The following TMEM259 variants were observed in gnomAD, a reference collection of about 807,000 sequenced individuals.
The protein encoded by TMEM259 is membralin.
Under a neutral mutation model 46.7 loss-of-function variants are expected in TMEM259, and 26 were observed. The ratio of observed to expected loss-of-function variants is 0.56; its 90% CI spans 0.41 to 0.77. The LOEUF (loss-of-function observed/expected upper bound fraction) is 0.77, where lower values mean the gene tolerates loss of function less well. Ranked by LOEUF, TMEM259 falls within the 30% of genes least tolerant of loss-of-function variation. The pLI is 0.00. For missense variants in TMEM259, 930 were observed against 900.5 expected, an observed-to-expected ratio of 1.03 and a Z score of -0.42; for synonymous variants, 494 against 395.1, an observed-to-expected ratio of 1.25 and a Z score of -2.97.
Position 1,010,780 on chromosome 19 carries a change from A to G in TMEM259, c.1433T>C (p.Leu478Pro). The G allele has an allele frequency of 1.9e-6, 3 of 1,558,650 alleles. No individual in the cohort carries two copies. The highest frequency in any genetic ancestry group is 2.6e-6 in the Non-Finnish European group (3 of 1,160,940). The change falls in exon 11 of 11, where the codon CTG becomes CCG. Residue 478 changes from leucine to proline, a missense_variant. Leu to Pro is a moderately conservative substitution (Grantham distance 98, BLOSUM62 -3). Transcript: ENST00000356663. ...PPLGPGTPTALPDDMNNNSGA... is the reference protein window; with the variant it reads ...PPLGPGTPTAPPDDMNNNSGA... Reference sequence around the variant, plus strand: ...CGAGTTGTTGTTCATGTCATCGGGCAGCGCCGTGGGGGTCCCGGGGCCCAG... The same window carrying G: ...CGAGTTGTTGTTCATGTCATCGGGCGGCGCCGTGGGGGTCCCGGGGCCCAG...
intron 9 of TMEM259, 25 bp from the exon 10 acceptor site, chr19:1,011,220 G>A (rs1325269907): frequency 1.3e-6 from 2 of 1,564,084 alleles, no homozygotes; most frequent in Non-Finnish European, 1.7e-6. Flanking sequence ...GAGGGCGTCG[G>A]GGCTGCAGGT....
chr19:1,010,448 A>G lies in TMEM259; in HGVS notation c.1765T>C (p.Ser589Pro). ...AGGGGAGTTGTGTCAGAAGCTGCGGAGTCACTCGGGGGGACACTGTCCTGG... is the reference window on the plus strand; with the variant it reads ...AGGGGAGTTGTGTCAGAAGCTGCGGGGTCACTCGGGGGGACACTGTCCTGG... ...APQDSVPPSD[S>P]AASDTTPLGA... The change falls in exon 11 of 11, where the codon TCC (serine) becomes CCC (proline). Residue 589 changes from serine to proline, a missense_variant. Ser to Pro is a moderately conservative substitution (Grantham distance 74). Transcript: ENST00000356663. 2.6e-6 allele frequency: 4 copies of G among 1,533,430 alleles called. No individual in the cohort carries two copies. The highest frequency in any genetic ancestry group is 1.2e-5 in the South Asian group (1 of 82,554). 95.0% of individuals were successfully genotyped at this position (1,533,430 alleles called of 1,614,324 possible). A position where few individuals can be genotyped will look rare whatever the true frequency, so the allele number is the denominator to read the frequency against.
In TMEM259 at chr19:1,014,005, C is replaced by T. The variant is rs548692369; in HGVS notation, c.507+187G>A. Among the ~76,000 whole-genome samples, 12 of 152,354 alleles carry T rather than the reference C, an allele frequency of 7.9e-5. No individual in the cohort carries two copies. The East Asian group carries it at 1.5e-3, about 20-fold the overall frequency. On this transcript the variant is annotated intron_variant, in intron 2 of 10. Coordinates refer to ENST00000356663, the MANE Select transcript of TMEM259 (RefSeq NM_001033026.2). ...CCAGGCCTCTAGCAGGGCGACAGGC[C>T]GAGGGTCTTGCTTCAGAGCCCCCAG...
At position 1,014,419 on chromosome 19, in the gene TMEM259, G is replaced by A. The variant is rs748268735; in HGVS notation, c.280C>T (p.Pro94Ser). 6.2e-7 allele frequency: 1 copy of A among 1,612,406 alleles called. No individual in the cohort carries two copies. The highest frequency in any genetic ancestry group is 8.5e-7 in the Non-Finnish European group (1 of 1,179,886). Residue 94 changes from proline to serine, a missense_variant, in exon 2 of 11, where the codon CCC (proline) becomes TCC (serine). By Grantham distance (74) the Pro-to-Ser change is moderately conservative (BLOSUM62 -1). Transcript: ENST00000356663. The part of the protein sequence containing the change: ...AYIHIVFSRS[P>S]INCLEHVRDK... The stretch of plus-strand genomic sequence containing the variant: ...CGCACATGCTCCAGGCAGTTGATGG[G>A]CGAGCGGGAGAAGACGATGTGGATG...
rs758098098 is a variant in TMEM259, at chr19:1,013,272, C to G, written c.576G>C (p.Gln192His). 5 of 1,613,768 alleles carry G rather than the reference C, an allele frequency of 3.1e-6. No homozygotes were observed. The highest frequency in any genetic ancestry group is 3.3e-5 in the Admixed American group (2 of 59,984). Reference sequence around the variant, plus strand: ...TGGGCGTCTCGGGGAAGGGGAACTCCTGGCTGTCATTCAGGGCCTCTGTGC... The same window carrying G: ...TGGGCGTCTCGGGGAAGGGGAACTCGTGGCTGTCATTCAGGGCCTCTGTGC... ...PSSTEALNDS[Q>H]EFPFPETPTK... Residue 192 changes from glutamine to histidine, a missense_variant, in exon 3 of 11, where the codon CAG (glutamine) becomes CAC (histidine). Gln to His is a conservative substitution (Grantham distance 24). Coordinates refer to ENST00000356663, the MANE Select transcript of TMEM259 (RefSeq NM_001033026.2).
chr19:1,014,995 C>T (rs2039062326), intron 1 of TMEM259, among the ~76,000 whole-genome samples: 2 of 152,366 alleles, frequency 1.3e-5, no homozygotes, highest in South Asian at 2.1e-4. Context: ...CCACTGTCTA[C>T]GAAAGAGGGC....
chr19:1,020,859 G>A lies in TMEM259; in HGVS notation c.138C>T (p.His46=). Residue 46 remains histidine (H), a synonymous_variant, in exon 1 of 11, where the codon CAC becomes CAT. Transcript: ENST00000356663. The surrounding 1 kb of genome is among the most constrained non-coding windows in gnomAD (Gnocchi z 4.0). The part of the protein sequence containing the change: ...PLINVRDRLF[H]ALFFKMAVTY... Reference sequence around the variant, plus strand: ...TGACAGCCATCTTGAAGAACAGCGCGTGGAAGAGCCGGTCGCGCACGTTGA... The same window carrying A: ...TGACAGCCATCTTGAAGAACAGCGCATGGAAGAGCCGGTCGCGCACGTTGA... 3 of 1,366,168 alleles carry A rather than the reference G, an allele frequency of 2.2e-6. No individual in the cohort carries two copies. Among genetic ancestry groups the A allele is most frequent in the East Asian group, 2.9e-5 (1 of 34,818 alleles). The allele number at this position is 1,366,168 out of a possible 1,614,324, so 84.6% of individuals were successfully genotyped here. A position where few individuals can be genotyped will look rare whatever the true frequency, so the allele number is the denominator to read the frequency against.
chr19:1,019,012 C>T (rs1040038959), intron 1 of TMEM259, among the ~76,000 whole-genome samples: 6 of 150,700 alleles, frequency 4.0e-5, no homozygotes, highest in African/African-American at 1.5e-4. Flanking sequence ...AAAAATTCAC[C>T]ACCCAGAGAT....
intron 5 of TMEM259, 36 bp from the exon 6 acceptor site, chr19:1,012,028 C>G: frequency 6.2e-7 from 1 of 1,611,848 alleles, no homozygotes; most frequent in Non-Finnish European, 8.5e-7. Context: ...CCGCCCCCAC[C>G]CGCGCCCTCG....
In TMEM259 at chr19:1,011,983, C is replaced by A; in HGVS notation, c.851G>T (p.Arg284Leu). 1 of 1,612,072 alleles carries A rather than the reference C, an allele frequency of 6.2e-7. No homozygotes were observed. The highest frequency in any genetic ancestry group is 8.5e-7 in the Non-Finnish European group (1 of 1,179,540). The change falls in exon 6 of 11, where the codon CGG (arginine) becomes CTG (leucine). Residue 284 changes from arginine to leucine, a missense_variant. Coordinates refer to ENST00000356663, the MANE Select transcript of TMEM259 (RefSeq NM_001033026.2). ...AENEENKGFL[R>L]NVVSGEHYRF... ...GTAGTGCTCGCCCGACACCACATTC[C>A]GCAGGAAGCCTGCAGCAGAAGGAGC...
At position 1,009,763 on chromosome 19, in the gene TMEM259, G is replaced by A. The variant is rs2038833309; in HGVS notation, c.*587C>T. ...TCCTCCCCGAGTGACTGGTTTGGCCGCCGGCCCACTCCATCCCCGAGTGGG... is the reference window on the plus strand; with the variant it reads ...TCCTCCCCGAGTGACTGGTTTGGCCACCGGCCCACTCCATCCCCGAGTGGG... On this transcript the variant is annotated 3_prime_UTR_variant, in exon 11 of 11. Transcript: ENST00000356663. 6.1e-6 allele frequency: 4 copies of A among 651,126 alleles called. No individual in the cohort carries two copies. The highest frequency in any genetic ancestry group is 1.9e-5 in the African/African-American group (1 of 51,944). The allele number at this position is 651,126 out of a possible 1,614,324, so 40.3% of individuals were successfully genotyped here. A position where few individuals can be genotyped will look rare whatever the true frequency, so the allele number is the denominator to read the frequency against.
intron 4 of TMEM259, 89 bp from the exon 5 acceptor site, chr19:1,012,277 C>G (rs1401807022): frequency 2.0e-6 from 3 of 1,524,742 alleles, no homozygotes; most frequent in Non-Finnish European, 2.6e-6. Flanking sequence ...GAGGCCTGGC[C>G]TGCTTCCTGG....
chr19:1,011,673 CAG>C lies in TMEM259; in HGVS notation c.1001-12_1001-11del. ...ATCTGCAGCAGGTCCACTGCGGGCA[CAG>C]GGCGGCGGGCGCCCGGTGAGGGCCT... is the stretch of plus-strand genomic sequence containing the variant. On this transcript the variant is annotated splice_polypyrimidine_tract_variant and intron_variant, in intron 7 of 10. Coordinates refer to ENST00000356663, the MANE Select transcript of TMEM259 (RefSeq NM_001033026.2). The C allele has an allele frequency of 6.5e-7, 1 of 1,543,038 alleles. No homozygotes were observed. Among genetic ancestry groups the C allele is most frequent in the Non-Finnish European group, 8.7e-7 (1 of 1,142,894 alleles).
At chr19:1,013,801 T>C (rs1353307879) in intron 2 of TMEM259, among the ~76,000 whole-genome samples, 1 of 152,214 alleles carries the variant, frequency 6.6e-6, no homozygotes, top group African/African-American at 2.4e-5. Context: ...CTGCAGGCAG[T>C]GGGGCCACCT....
Position 1,021,010 on chromosome 19 carries a change from G to T in TMEM259, c.-14C>A. ...GTGCTCCGACATGCCTCCCAGCGTC[G>T]CGCCCTAACGACCCGCAAGTGTCCG... is the stretch of plus-strand genomic sequence containing the variant. On this transcript the variant is annotated 5_prime_UTR_variant, in exon 1 of 11. Transcript: ENST00000356663. The T allele has an allele frequency of 7.4e-7, 1 of 1,356,212 alleles. No individual in the cohort carries two copies. The highest frequency in any genetic ancestry group is 1.7e-5 in the South Asian group (1 of 60,290). 84.0% of individuals were successfully genotyped at this position (1,356,212 alleles called of 1,614,324 possible).
chr19:1,019,828 C>T (rs1298834993), intron 1 of TMEM259, among the ~76,000 whole-genome samples: 2 of 152,228 alleles, frequency 1.3e-5, no homozygotes, highest in South Asian at 4.1e-4. Flanking sequence ...CGAAAACGGC[C>T]ACGTCCCCAT....
At position 1,012,692 on chromosome 19, in the gene TMEM259, G is replaced by A. The variant is rs2038978182; in HGVS notation, c.608-119C>T. On this transcript the variant is annotated intron_variant, in intron 3 of 10. Transcript: ENST00000356663. ...AGACCTGCTGAGCCCTGGGCCCCAG[G>A]TGGGTGCTGGGAGGACCCCTACATG... is the stretch of plus-strand genomic sequence containing the variant. The A allele has an allele frequency of 2.9e-5, 40 of 1,394,426 alleles. 1 individual carries two copies. In the South Asian group the frequency reaches 4.9e-4, roughly 17 times the overall value. 86.4% of individuals were successfully genotyped at this position (1,394,426 alleles called of 1,614,324 possible). A position where few individuals can be genotyped will look rare whatever the true frequency, so the allele number is the denominator to read the frequency against.
chr19:1,009,911 G>A lies in TMEM259; in HGVS notation c.*439C>T, dbSNP rs916376498. ...CCTGGCGCACACGCGGGGAGGGCGG[G>A]GCCATGGAGAAGGCACTGCAGGGAG... is the stretch of plus-strand genomic sequence containing the variant. On this transcript the variant is annotated 3_prime_UTR_variant, in exon 11 of 11. Transcript: ENST00000356663. 6 of 348,048 alleles carry A rather than the reference G, an allele frequency of 1.7e-5. No homozygotes were observed. The highest frequency in any genetic ancestry group is 1.3e-4 in the African/African-American group (6 of 46,668). 21.6% of individuals were successfully genotyped at this position (348,048 alleles called of 1,614,324 possible). A position where few individuals can be genotyped will look rare whatever the true frequency, so the allele number is the denominator to read the frequency against.
rs72436720 is a variant in TMEM259 at position 1,020,212 on chromosome 19, C to CGGGGTGGGG, written c.225+559_225+560insCCCCACCCC. On this transcript the variant is annotated intron_variant, in intron 1 of 10. Transcript: ENST00000356663. The surrounding 1 kb of genome is among the most constrained non-coding windows in gnomAD (Gnocchi z 4.0). ...TCCCCTGAGGCTCAGGAGCGGGGAACGCAGCTGAAAGGCTACAAGGAGGGA... is the reference window on the plus strand; with the variant it reads ...TCCCCTGAGGCTCAGGAGCGGGGAACGGGGTGGGGGCAGCTGAAAGGCTACAAGGAGGGA... Among the ~76,000 whole-genome samples, 86,447 of 151,250 alleles carry CGGGGTGGGG rather than the reference C, an allele frequency of 0.57. 25,332 individuals carry two copies. Among genetic ancestry groups the CGGGGTGGGG allele is most frequent in the African/African-American group, 0.68 (28,123 of 41,128 alleles).
Sources: allele counts gnomAD v4.1 joint callset (sites outside exome capture counted in the v4.1 genomes callset), GRCh38; gene constraint gnomAD v4.1.1; non-coding constraint Gnocchi (gnomAD v3.1); transcripts MANE v1.5; gene names NCBI Gene and HGNC (gene_info 2026-07-23, HGNC 2026-07-21).